AGMO: variants seen among roughly 807,000 people sequenced by gnomAD.
AGMO encodes glyceryl-ether monooxygenase.
Under a neutral mutation model 60.2 loss-of-function variants are expected in AGMO, and 75 were observed. The observed-to-expected ratio is 1.25, with a 90% CI of 1.03 to 1.51. The LOEUF is 1.51. Ranked by LOEUF, AGMO falls within the 40% of genes most tolerant of loss-of-function variation. AGMO has a pLI of 0.00. For missense variants in AGMO, 763 were observed against 525.5 expected (o/e 1.45, Z -4.42); for synonymous variants, 261 against 177.1 (o/e 1.47, Z -3.76).
At chr7:15,544,126 A>G (rs1400332080) in intron 3 of AGMO, among the ~76,000 whole-genome samples, 1 of 151,914 alleles carries the variant, frequency 6.6e-6, no homozygotes, top group African/African-American at 2.4e-5. Context: ...AGGAATGGAA[A>G]ACCAAACATC....
chr7:15,348,874 A>C lies in AGMO; in HGVS notation c.1263+16640T>G, dbSNP rs534028664. On this transcript the variant is annotated intron_variant, in intron 12 of 12. Coordinates refer to ENST00000342526, the MANE Select transcript of AGMO (RefSeq NM_001004320.2). ...AGAATATTTAGCAAACTGAAAAAAA[A>C]ATTGCACCGTGATTTCTACATAGTG... Among the ~76,000 whole-genome samples the C allele has an allele frequency of 9.9e-5, 15 of 152,220 alleles. No individual in the cohort carries two copies. The South Asian group carries it at 2.9e-3, about 29-fold the overall frequency.
intron 12 of AGMO, among the ~76,000 whole-genome samples, chr7:15,262,894 C>T (rs1783315456): frequency 6.6e-6 from 1 of 152,006 alleles, no homozygotes; most frequent in African/African-American, 2.4e-5. Context: ...AAGAATGAAA[C>T]TGGATCCACA....
At chr7:15,515,135 A>C (rs1386378028) in intron 3 of AGMO, among the ~76,000 whole-genome samples, 1 of 152,212 alleles carries the variant, frequency 6.6e-6, no homozygotes, top group Non-Finnish European at 1.5e-5. Context: ...AGGAAGCACT[A>C]TGACTTTTAA....
At chr7:15,529,445 A>C (rs886639642) in intron 3 of AGMO, among the ~76,000 whole-genome samples, 2 of 146,106 alleles carry the variant, frequency 1.4e-5, no homozygotes, top group African/African-American at 5.0e-5. Flanking sequence ...CAACATCAAC[A>C]AAAAAAACAA....
At chr7:15,345,257 C>T (rs1781992914) in intron 12 of AGMO, among the ~76,000 whole-genome samples, 2 of 152,102 alleles carry the variant, frequency 1.3e-5, no homozygotes, top group African/African-American at 2.4e-5. Context: ...GTTTTTTTCT[C>T]TTGCTGTTCT....
intron 3 of AGMO, among the ~76,000 whole-genome samples, chr7:15,534,706 C>T (rs1784446945): frequency 6.6e-6 from 1 of 151,758 alleles, no homozygotes; most frequent in Non-Finnish European, 1.5e-5. Context: ...TTATATGATA[C>T]ATTTGTACAT....
In AGMO at chr7:15,509,326, C is replaced by T. The variant is rs181890519; in HGVS notation, c.409+35446G>A. 2.1e-4 allele frequency among the ~76,000 whole-genome samples: 32 copies of T among 151,000 alleles called. No homozygotes were observed. The East Asian group carries it at 5.7e-3, about 27-fold the overall frequency. On this transcript the variant is annotated intron_variant, in intron 3 of 12. Transcript: ENST00000342526. ...CCAAAAATACACAATGGGGAAAGAA[C>T]AGTCTCTTTAATAAATGATGTTGTG...
At chr7:15,126,311 C>G in the AGMO span, among the ~76,000 whole-genome samples, 1 of 152,044 alleles carries the variant, frequency 6.6e-6, no homozygotes, top group East Asian at 1.9e-4. Flanking sequence ...GGAGCCTACA[C>G]TGTGAAGTTA....
At chr7:15,239,572 G>A (rs1782529255) in intron 12 of AGMO, among the ~76,000 whole-genome samples, 1 of 152,076 alleles carries the variant, frequency 6.6e-6, no homozygotes, top group African/African-American at 2.4e-5. Flanking sequence ...GAACCCTATA[G>A]CAATTCGTGT....
chr7:15,204,949 T>A (rs1200519243), intron 12 of AGMO, among the ~76,000 whole-genome samples: 1 of 152,148 alleles, frequency 6.6e-6, no homozygotes, highest in Non-Finnish European at 1.5e-5. Context: ...CATCTCAGCC[T>A]CCCTAGTTGG....
intron 3 of AGMO, among the ~76,000 whole-genome samples, chr7:15,464,133 C>A (rs1695164037): frequency 6.6e-6 from 1 of 152,164 alleles, no homozygotes; most frequent in South Asian, 2.1e-4. Flanking sequence ...AAACTCTTGT[C>A]CACACATTCC....
intron 12 of AGMO, among the ~76,000 whole-genome samples, chr7:15,252,110 T>C (rs925853408): frequency 1.2e-4 from 18 of 152,228 alleles, no homozygotes; most frequent in Non-Finnish European, 1.8e-4. Flanking sequence ...CTGATTCCCA[T>C]GCAGTGAGGA....
chr7:15,243,384 A>G (rs1384692556), intron 12 of AGMO, among the ~76,000 whole-genome samples: 1 of 151,868 alleles, frequency 6.6e-6, no homozygotes, highest in Non-Finnish European at 1.5e-5. Flanking sequence ...AAACCTTATG[A>G]GCTAGATGTT....
the AGMO span, among the ~76,000 whole-genome samples, chr7:15,165,870 T>C: frequency 6.6e-5 from 10 of 152,160 alleles, no homozygotes; most frequent in Admixed American, 5.9e-4. Flanking sequence ...TATTGCTCCA[T>C]AGTAAGGAAT....
At position 15,390,927 on chromosome 7, in the gene AGMO, A is replaced by T. The variant is rs368972384; in HGVS notation, c.677-22T>A. The T allele has an allele frequency of 1.1e-4, 171 of 1,487,866 alleles. No homozygotes were observed. The African/African-American group carries it at 2.1e-3, about 18-fold the overall frequency. 92.2% of individuals were successfully genotyped at this position (1,487,866 alleles called of 1,614,324 possible). A position where few individuals can be genotyped will look rare whatever the true frequency, so the allele number is the denominator to read the frequency against. The stretch of plus-strand genomic sequence containing the variant: ...CTGCCTATGAGACAAAATATTAGAA[A>T]TTTTTTTTCAGAAAAATAGTTATGC... On this transcript the variant is annotated intron_variant, in intron 6 of 12. Transcript: ENST00000342526.
At chr7:15,187,063 TTTTAA>T in the AGMO span, among the ~76,000 whole-genome samples, 1 of 152,240 alleles carries the variant, frequency 6.6e-6, no homozygotes, top group African/African-American at 2.4e-5. Flanking sequence ...GTAATTTTCT[TTTTAA>T]TTTAAAAATG....
intron 3 of AGMO, among the ~76,000 whole-genome samples, chr7:15,499,947 T>TATA: frequency 6.9e-6 from 1 of 144,940 alleles, no homozygotes; most frequent in Admixed American, 6.9e-5. Context: ...ATATATATAA[T>TATA]ATATATATTT....
chr7:15,367,497 TCTAA>T (rs899162840), intron 10 of AGMO, among the ~76,000 whole-genome samples: 7 of 152,042 alleles, frequency 4.6e-5, no homozygotes, highest in Non-Finnish European at 7.4e-5. Context: ...CAAAGGATTA[TCTAA>T]CTTTTTCCAT....
At chr7:15,288,416 C>T (rs1583367047) in intron 12 of AGMO, among the ~76,000 whole-genome samples, 2 of 152,136 alleles carry the variant, frequency 1.3e-5, no homozygotes, top group Admixed American at 6.5e-5. Flanking sequence ...TTTCTTATCA[C>T]GAGGCATTTC....
Sources: allele counts gnomAD v4.1 joint callset (sites outside exome capture counted in the v4.1 genomes callset), GRCh38; gene constraint gnomAD v4.1.1; transcripts MANE v1.5; gene names NCBI Gene and HGNC (gene_info 2026-07-23, HGNC 2026-07-21).